DOCK9: variants seen among roughly 807,000 people sequenced by gnomAD.
DOCK9 encodes the protein dedicator of cytokinesis 9.
DOCK9 carries 89 observed loss-of-function variants against 263.3 expected under a neutral mutation model. The observed-to-expected ratio is 0.34, with a 90% confidence interval of 0.28 to 0.40. The LOEUF (loss-of-function observed/expected upper bound fraction) is 0.40, where lower values mean the gene tolerates loss of function less well. Among genes scored for constraint, DOCK9 ranks in the 10% least tolerant of loss-of-function variants. DOCK9 has a pLI of 1.00. For synonymous variants in DOCK9, 976 were observed against 973.1 expected, an observed-to-expected ratio of 1.00 and a Z score of -0.06; for missense variants, 2,140 against 2,603.4, an observed-to-expected ratio of 0.82 and a Z score of 3.87.
At chr13:98,912,309 T>C (rs1408721) in intron 9 of DOCK9, among the ~76,000 whole-genome samples, 106,087 of 152,094 alleles carry the variant, frequency 0.7, 37,330 homozygotes, top group Middle Eastern at 0.81. Flanking sequence ...ATAAAGAGGG[T>C]CTCAGGTACA....
intron 47 of DOCK9, chr13:98,808,608 T>TA: frequency 1.3e-6 from 2 of 1,485,856 alleles, no homozygotes; most frequent in Non-Finnish European, 1.9e-6. Context: ...TTTCACTATA[T>TA]TACTTGCTTT....
At chr13:98,817,450 G>GTTT (rs1566586388) in intron 45 of DOCK9, among the ~76,000 whole-genome samples, 1 of 21,470 alleles carries the variant, frequency 4.7e-5, no homozygotes, top group Non-Finnish European at 7.2e-5. Context: ...AATACACCCA[G>GTTT]CTTTTTTTTT....
intron 45 of DOCK9, among the ~76,000 whole-genome samples, chr13:98,816,925 C>A (rs528258478): frequency 6.6e-6 from 1 of 152,180 alleles, no homozygotes; most frequent in African/African-American, 2.4e-5. Context: ...CTTCACTGAA[C>A]TGGCACACTC....
intron 2 of DOCK9, among the ~76,000 whole-genome samples, chr13:98,943,560 CTACTT>C (rs1365395215): frequency 6.7e-6 from 1 of 148,960 alleles, no homozygotes; most frequent in Non-Finnish European, 1.5e-5. Context: ...AATTTACTGT[CTACTT>C]TACTTCTACT....
chr13:98,883,002 A>G, intron 23 of DOCK9, 40 bp downstream of exon 23: 1 of 1,568,404 alleles, frequency 6.4e-7, no homozygotes, highest in Non-Finnish European at 8.7e-7. Flanking sequence ...ACCTACTCCA[A>G]ACTCACTTAA....
intron 39 of DOCK9, chr13:98,834,431 T>C (rs1477591436): frequency 6.6e-6 from 1 of 152,162 alleles, no homozygotes; most frequent in East Asian, 1.9e-4. Flanking sequence ...ACCAGGCTCA[T>C]TGTTGTGCAA....
At chr13:98,847,011 T>C (rs2093413676) in intron 37 of DOCK9, 2 of 170,560 alleles carry the variant, frequency 1.2e-5, no homozygotes, top group South Asian at 2.7e-4. Context: ...CACTTTTATA[T>C]GCAAATATAT....
chr13:98,906,552 T>C (rs960186904), intron 9 of DOCK9, among the ~76,000 whole-genome samples: 3 of 152,206 alleles, frequency 2.0e-5, no homozygotes, highest in Admixed American at 2.0e-4. Context: ...CTCTCTCATC[T>C]GCTACTTTCC....
chr13:98,917,383 A>G (rs1420618575), intron 7 of DOCK9, among the ~76,000 whole-genome samples: 1 of 152,228 alleles, frequency 6.6e-6, no homozygotes, highest in Non-Finnish European at 1.5e-5. Flanking sequence ...TAAAACTCCT[A>G]CTTGGGAATC....
chr13:99,076,216 A>T (rs1409856439), intron 1 of DOCK9, among the ~76,000 whole-genome samples: 1 of 152,262 alleles, frequency 6.6e-6, no homozygotes, highest in African/African-American at 2.4e-5. Context: ...AAAACTCATT[A>T]TTCAGTGAAT....
intron 9 of DOCK9, among the ~76,000 whole-genome samples, chr13:98,908,769 T>C (rs2049521582): frequency 6.6e-6 from 1 of 152,192 alleles, no homozygotes; most frequent in Non-Finnish European, 1.5e-5. Context: ...AATGTGGGAA[T>C]GGAGGATGAA....
chr13:98,868,049 C>A (rs1281949740), intron 28 of DOCK9, 38 bp from the exon 29 acceptor site: 1 of 1,595,224 alleles, frequency 6.3e-7, no homozygotes. Context: ...ATTTCAGGTC[C>A]AAACATTTCG....
chr13:98,956,368 A>G (rs1228075520), intron 1 of DOCK9, among the ~76,000 whole-genome samples: 1 of 152,208 alleles, frequency 6.6e-6, no homozygotes, highest in Non-Finnish European at 1.5e-5. Flanking sequence ...TGACTGGGCT[A>G]GGTTAGGGAT....
At chr13:98,846,085 G>A (rs1385025351) in intron 37 of DOCK9, 25 bp from the exon 38 acceptor site, 1 of 1,555,768 alleles carries the variant, frequency 6.4e-7, no homozygotes, top group Admixed American at 1.9e-5. Flanking sequence ...AAATGGGATA[G>A]AAGCAAAAGT....
chr13:98,842,937 A>G (rs925657537), intron 38 of DOCK9, among the ~76,000 whole-genome samples: 2 of 152,198 alleles, frequency 1.3e-5, no homozygotes, highest in African/African-American at 4.8e-5. Context: ...CTTCCTATCA[A>G]AATTAAAGAG....
intron 1 of DOCK9, among the ~76,000 whole-genome samples, chr13:98,996,003 T>C (rs1880946386): frequency 6.6e-6 from 1 of 152,114 alleles, no homozygotes; most frequent in South Asian, 2.1e-4. Context: ...GTGCAGATCA[T>C]ATTGGGCCTT....
chr13:98,882,338 G>A (rs2044918716), intron 23 of DOCK9, among the ~76,000 whole-genome samples: 1 of 152,132 alleles, frequency 6.6e-6, no homozygotes, highest in Admixed American at 6.5e-5. Context: ...CAGGGTCAGA[G>A]AGATGCTGTG....
At chr13:98,990,168 G>A (rs1879468506) in intron 1 of DOCK9, among the ~76,000 whole-genome samples, 1 of 152,176 alleles carries the variant, frequency 6.6e-6, no homozygotes, top group African/African-American at 2.4e-5. Flanking sequence ...GTTTAGAGAA[G>A]AGTAAAGGCA....
chr13:98,865,599 G>A lies in DOCK9; in HGVS notation c.3286+1826C>T, dbSNP rs369749554. Among the ~76,000 whole-genome samples the A allele has an allele frequency of 1.4e-3, 216 of 152,284 alleles. 6 individuals carry two copies. In the South Asian group the frequency reaches 0.043, roughly 30 times the overall value. On this transcript the variant is annotated intron_variant, in intron 30 of 52. Coordinates refer to ENST00000682017, the MANE Select transcript of DOCK9 (RefSeq NM_001366683.2). ...TACCAAATACCCTAGAAGTCTATAAGAGCTTGTGCTGCCCTGCTGGGTCAT... is the reference window on the plus strand; with the variant it reads ...TACCAAATACCCTAGAAGTCTATAAAAGCTTGTGCTGCCCTGCTGGGTCAT...
Sources: gnomAD v4.1 joint callset for allele counts (sites outside exome capture counted in the v4.1 genomes callset) on GRCh38, gnomAD v4.1.1 for gene constraint, MANE v1.5 for transcripts, NCBI Gene and HGNC (gene_info 2026-07-23, HGNC 2026-07-21) for gene names.